ZNF681: variants seen among roughly 807,000 people sequenced by gnomAD.
ZNF681 encodes hypothetical protein FLJ31526.
Under a neutral mutation model 56.0 loss-of-function variants are expected in ZNF681, and 37 were observed. That is an observed-to-expected ratio of 0.66 (90% CI 0.51 to 0.87). The LOEUF (loss-of-function observed/expected upper bound fraction) is 0.87. Among genes scored for constraint, ZNF681 ranks in the 40% least tolerant of loss-of-function variants. The pLI, the probability that ZNF681 is intolerant of heterozygous loss-of-function variation, is 0.00. For missense variants in ZNF681, 741 were observed against 744.9 expected (o/e 0.99, Z 0.06); for synonymous variants, 225 against 248.6 (o/e 0.91, Z 0.89).
intron 3 of ZNF681, among the ~76,000 whole-genome samples, chr19:23,753,877 A>AAG (rs59171564): frequency 6.6e-6 from 1 of 151,108 alleles, no homozygotes; most frequent in Non-Finnish European, 1.5e-5. Flanking sequence ...AAAAAAAAAA[A>AAG]GTGCCATGTT....
intron 3 of ZNF681, 56 bp from the exon 4 acceptor site, chr19:23,745,379 T>G: frequency 7.4e-7 from 1 of 1,354,844 alleles, no homozygotes; most frequent in Non-Finnish European, 9.7e-7. Context: ...AAATATACTT[T>G]ACAAATCCAA....
At position 23,744,322 on chromosome 19, in the gene ZNF681, T is replaced by C. The variant is rs1467286685; in HGVS notation, c.1228A>G (p.Thr410Ala). The C allele has an allele frequency of 1.2e-6, 2 of 1,613,768 alleles. No individual in the cohort carries two copies. Among genetic ancestry groups the C allele is most frequent in the African/African-American group, 1.3e-5 (1 of 74,946 alleles). Residue 410 changes from threonine to alanine, a missense_variant, in exon 4 of 4, where the codon ACT (threonine) becomes GCT (alanine). Thr to Ala is a moderately conservative substitution (Grantham distance 58, BLOSUM62 0). Transcript: ENST00000402377. ...CCAGTATGAATGCTCTTATGTCTAG[T>C]AAGGTGTGAGGACTTGTTAAAAGCT... is the stretch of plus-strand genomic sequence containing the variant. ...GKAFNKSSHL[T>A]RHKSIHTGEK... is the part of the protein sequence containing the mutation.
At chr19:23,751,526 A>C (rs1437784872) in intron 3 of ZNF681, among the ~76,000 whole-genome samples, 2 of 151,996 alleles carry the variant, frequency 1.3e-5, no homozygotes, top group Non-Finnish European at 2.9e-5. Flanking sequence ...AGATAACCGT[A>C]ATATGTGACT....
In ZNF681 at chr19:23,745,109, A is replaced by G. The variant is rs1968926601; in HGVS notation, c.441T>C (p.Tyr147=). The part of the protein sequence containing the change: ...TQSKIFQCDK[Y]MKIFHKFSNL... Reference sequence around the variant, plus strand: ...TTGAAAATTTATGAAAGATTTTCATATATTTATCACATTGAAATATTTTGC... The same window carrying G: ...TTGAAAATTTATGAAAGATTTTCATGTATTTATCACATTGAAATATTTTGC... Residue 147 remains tyrosine, a synonymous_variant, in exon 4 of 4, where the codon TAT becomes TAC. Transcript: ENST00000402377. 1.2e-6 allele frequency: 2 copies of G among 1,608,182 alleles called. No individual in the cohort carries two copies. The highest frequency in any genetic ancestry group is 1.7e-6 in the Non-Finnish European group (2 of 1,177,386).
Position 23,744,363 on chromosome 19 carries a change from C to T in ZNF681, c.1187G>A (p.Cys396Tyr), listed in dbSNP as rs1469616596. 6.2e-7 allele frequency: 1 copy of T among 1,613,608 alleles called. No individual in the cohort carries two copies. Among genetic ancestry groups the T allele is most frequent in the Non-Finnish European group, 8.5e-7 (1 of 1,179,882 alleles). Residue 396 changes from cysteine to tyrosine, a missense_variant, in exon 4 of 4, where the codon TGT (cysteine) becomes TAT (tyrosine). Transcript: ENST00000402377. ...IIHTGEKPYK[C>Y]EECGKAFNKS... ...GTTAAAAGCTTTGCCACATTCTTCA[C>T]ATTTGTAGGGTTTCTCTCCAGTATG...
intron 3 of ZNF681, among the ~76,000 whole-genome samples, chr19:23,753,592 G>T (rs910071630): frequency 8.5e-5 from 13 of 152,288 alleles, no homozygotes; most frequent in Non-Finnish European, 1.9e-4. Context: ...GCCAGGCACG[G>T]TGGCTCACAC....
chr19:23,745,412 A>G, intron 3 of ZNF681, 89 bp from the exon 4 acceptor site: 2 of 1,092,084 alleles, frequency 1.8e-6, no homozygotes, highest in Non-Finnish European at 2.4e-6. Flanking sequence ...TACAAATTAC[A>G]TAAGCAAGAT....
rs1442926081 is a variant in ZNF681 at position 23,742,124 on chromosome 19, T to C, written c.*1488A>G. Reference sequence around the variant, plus strand: ...CATTGAATGCACGATGGTCTTAACATGTTTTTTAAAAAGCCTGATTAATAA... The same window carrying C: ...CATTGAATGCACGATGGTCTTAACACGTTTTTTAAAAAGCCTGATTAATAA... On this transcript the variant is annotated 3_prime_UTR_variant, in exon 4 of 4. Coordinates refer to ENST00000402377, the MANE Select transcript of ZNF681 (RefSeq NM_138286.3). 3 of 152,164 alleles carry C rather than the reference T, an allele frequency of 2.0e-5. No homozygotes were observed. Among genetic ancestry groups the C allele is most frequent in the Admixed American group, 2.0e-4 (3 of 15,272 alleles). The allele number at this position is 152,164 out of a possible 1,614,324, so 9.4% of individuals were successfully genotyped here. A position where few individuals can be genotyped will look rare whatever the true frequency, so the allele number is the denominator to read the frequency against.
rs1032470809 is a variant in ZNF681, at chr19:23,740,509, ATC to A, written c.*3101_*3102del. 8 of 152,332 alleles carry A rather than the reference ATC, an allele frequency of 5.3e-5. No homozygotes were observed. Among genetic ancestry groups the A allele is most frequent in the Non-Finnish European group, 8.8e-5 (6 of 68,030 alleles). The allele number at this position is 152,332 out of a possible 1,614,324, so 9.4% of individuals were successfully genotyped here. On this transcript the variant is annotated 3_prime_UTR_variant, in exon 4 of 4. Transcript: ENST00000402377. ...TTATTTCTCACAATTGATATGTTCC[ATC>A]TCTGTCTTGAAGTTACAAACTAACT...
intron 3 of ZNF681, among the ~76,000 whole-genome samples, chr19:23,745,539 A>G (rs7248840): frequency 0.98 from 148,128 of 151,350 alleles, 72,571 homozygotes; most frequent in Middle Eastern, 1. Context: ...TGCAACTGCT[A>G]CCTCCCAGGT....
rs530180706 is a variant in ZNF681 at position 23,740,242 on chromosome 19, C to T, written c.*3370G>A. 2.5e-4 allele frequency: 38 copies of T among 152,100 alleles called. No homozygotes were observed. Among genetic ancestry groups the T allele is most frequent in the Admixed American group, 4.6e-4 (7 of 15,268 alleles). 9.4% of individuals were successfully genotyped at this position (152,100 alleles called of 1,614,324 possible). ...CAATCTTGCAGTGCATTAAAAATAC[C>T]GATTTCTCATCAAAACCTACAATAT... On this transcript the variant is annotated 3_prime_UTR_variant, in exon 4 of 4. Transcript: ENST00000402377.
Position 23,743,569 on chromosome 19 carries a change from A to G in ZNF681, c.*43T>C. 1 of 1,434,154 alleles carries G rather than the reference A, an allele frequency of 7.0e-7. No individual in the cohort carries two copies. Among genetic ancestry groups the G allele is most frequent in the East Asian group, 2.5e-5 (1 of 40,054 alleles). 88.8% of individuals were successfully genotyped at this position (1,434,154 alleles called of 1,614,324 possible). A position where few individuals can be genotyped will look rare whatever the true frequency, so the allele number is the denominator to read the frequency against. ...AGTATGAATTATCTTATGCACAATC[A>G]AGTGTGACAACTTTTAAAGGTTTTG... is the stretch of plus-strand genomic sequence containing the variant. On this transcript the variant is annotated 3_prime_UTR_variant, in exon 4 of 4. Transcript: ENST00000402377.
intron 3 of ZNF681, among the ~76,000 whole-genome samples, chr19:23,749,928 T>C (rs1369678672): frequency 6.7e-6 from 1 of 149,038 alleles, no homozygotes; most frequent in East Asian, 2.0e-4. Context: ...ATGGTGAAAA[T>C]AAAACTATTT....
chr19:23,743,701 G>GT lies in ZNF681; in HGVS notation c.1848dup (p.Leu617ThrfsTer5). The GT allele has an allele frequency of 3.1e-6, 5 of 1,610,630 alleles. No individual in the cohort carries two copies. The highest frequency in any genetic ancestry group is 4.2e-6 in the Non-Finnish European group (5 of 1,178,288). On this transcript the variant is annotated frameshift_variant, in exon 4 of 4. Transcript: ENST00000402377. LOFTEE classifies it high-confidence loss of function. ...CTGTTACATCTTTTAGGTTTGTAGA[G>GT]TTTCTCACCAGTATGAATTTTCTTA... is the stretch of plus-strand genomic sequence containing the variant.
At position 23,745,161 on chromosome 19, in the gene ZNF681, A is replaced by G. The variant is rs2144840503; in HGVS notation, c.389T>C (p.Leu130Pro). 6.2e-7 allele frequency: 1 copy of G among 1,612,842 alleles called. No individual in the cohort carries two copies. Among genetic ancestry groups the G allele is most frequent in the Non-Finnish European group, 8.5e-7 (1 of 1,179,766 alleles). ...CKVQKGGYNG[L>P]NQCLPTTQSK... ...CTGGGTAGTTGGCAAACATTGGTTA[A>G]GTCCATTATAACCTCCTTTTTGCAC... The change falls in exon 4 of 4, where the codon CTT (leucine) becomes CCT (proline). Residue 130 changes from leucine to proline, a missense_variant. Transcript: ENST00000402377.
Position 23,744,534 on chromosome 19 carries a change from T to G in ZNF681, c.1016A>C (p.Lys339Thr), listed in dbSNP as rs777441622. ...AAAGGCTTTGCCACATTCTTCACATTTGTAGGGTTTCTCTCCAGTATGAAT... is the reference window on the plus strand; with the variant it reads ...AAAGGCTTTGCCACATTCTTCACATGTGTAGGGTTTCTCTCCAGTATGAAT... ...KIIHTGEKPY[K>T]CEECGKAFNQ... Residue 339 changes from lysine to threonine, a missense_variant, in exon 4 of 4, where the codon AAA (lysine) becomes ACA (threonine). Transcript: ENST00000402377. The G allele has an allele frequency of 3.1e-6, 5 of 1,612,558 alleles. No homozygotes were observed. In the African/African-American group the frequency reaches 5.3e-5, roughly 17 times the overall value.
Position 23,758,625 on chromosome 19 carries a change from T to A in ZNF681, c.3+122A>T, listed in dbSNP as rs1332689547. ...CGCAGCCGCCATCTTATGGTCCAAG[T>A]GGACTGAGGCCGCCTGGGCGAGGAG... On this transcript the variant is annotated intron_variant, in intron 1 of 3. Coordinates refer to ENST00000402377, the MANE Select transcript of ZNF681 (RefSeq NM_138286.3). 4.1e-6 allele frequency: 6 copies of A among 1,474,136 alleles called. No individual in the cohort carries two copies. The Admixed American group carries it at 6.7e-5, about 16-fold the overall frequency. The allele number at this position is 1,474,136 out of a possible 1,614,324, so 91.3% of individuals were successfully genotyped here. A position where few individuals can be genotyped will look rare whatever the true frequency, so the allele number is the denominator to read the frequency against.
Position 23,744,339 on chromosome 19 carries a change from T to A in ZNF681, c.1211A>T (p.Asn404Ile). Reference protein sequence around the residue: ...YKCEECGKAFNKSSHLTRHKS... With the variant: ...YKCEECGKAFIKSSHLTRHKS... ...ATGTCTAGTAAGGTGTGAGGACTTG[T>A]TAAAAGCTTTGCCACATTCTTCACA... Residue 404 changes from asparagine (N) to isoleucine (I), a missense_variant, in exon 4 of 4, where the codon AAC becomes ATC. By Grantham distance (149) the Asn-to-Ile change is moderately radical. Coordinates refer to ENST00000402377, the MANE Select transcript of ZNF681 (RefSeq NM_138286.3). The A allele has an allele frequency of 6.2e-7, 1 of 1,613,800 alleles. No homozygotes were observed. The highest frequency in any genetic ancestry group is 8.5e-7 in the Non-Finnish European group (1 of 1,179,890).
intron 3 of ZNF681, among the ~76,000 whole-genome samples, chr19:23,747,133 T>C (rs909182135): frequency 5.9e-5 from 9 of 151,944 alleles, no homozygotes; most frequent in African/African-American, 9.7e-5. Context: ...AACAAATAAA[T>C]GTAAGAAAAT....
Sources: allele counts gnomAD v4.1 joint callset (sites outside exome capture counted in the v4.1 genomes callset), GRCh38; gene constraint gnomAD v4.1.1; transcripts MANE v1.5; gene names NCBI Gene and HGNC (gene_info 2026-07-23, HGNC 2026-07-21).